GLIS3: variants seen among roughly 807,000 people sequenced by gnomAD.
The protein encoded by GLIS3 is GLIS family zinc finger 3.
Under a neutral mutation model 78.6 loss-of-function variants are expected in GLIS3, and 53 were observed. The observed-to-expected ratio is 0.67, with a 90% CI of 0.54 to 0.85. GLIS3 has a LOEUF of 0.85. GLIS3 is among the 40% of genes least tolerant of loss of function. The pLI is 0.00. For missense variants in GLIS3, 1,703 were observed against 1,231.1 expected (o/e 1.38, Z -5.74); for synonymous variants, 684 against 509.9 (o/e 1.34, Z -4.60).
chr9:4,056,334 G>C (rs1183239564), intron 4 of GLIS3, among the ~76,000 whole-genome samples: 1 of 152,148 alleles, frequency 6.6e-6, no homozygotes, highest in Non-Finnish European at 1.5e-5. Flanking sequence ...AACTCTCTGT[G>C]GATGCAGCTT....
chr9:3,860,879 C>G (rs1198601994), intron 8 of GLIS3, among the ~76,000 whole-genome samples: 1 of 152,210 alleles, frequency 6.6e-6, no homozygotes, highest in Non-Finnish European at 1.5e-5. Flanking sequence ...AGACACATAT[C>G]TCTGTCTTTG....
intron 6 of GLIS3, among the ~76,000 whole-genome samples, chr9:3,916,687 C>A (rs1236479676): frequency 6.6e-6 from 1 of 152,096 alleles, no homozygotes; most frequent in Non-Finnish European, 1.5e-5. Context: ...CTCTTTACTG[C>A]ATTTTTTTTT....
intron 2 of GLIS3, among the ~76,000 whole-genome samples, chr9:4,315,660 T>C (rs1329534247): frequency 6.6e-6 from 1 of 152,126 alleles, no homozygotes; most frequent in Non-Finnish European, 1.5e-5. Flanking sequence ...TCATGAACTT[T>C]CCTGCAAAAC....
intron 4 of GLIS3, among the ~76,000 whole-genome samples, chr9:4,079,934 T>C (rs1399257545): frequency 1.3e-5 from 2 of 152,112 alleles, no homozygotes; most frequent in Admixed American, 6.5e-5. Context: ...GGTAGTTATT[T>C]AACAGACACT....
At chr9:4,294,141 A>G (rs1816265514) in intron 1 of GLIS3, among the ~76,000 whole-genome samples, 1 of 152,166 alleles carries the variant, frequency 6.6e-6, no homozygotes, top group South Asian at 2.1e-4. Flanking sequence ...GCCCTCCTTG[A>G]TCCTTTTTTA....
intron 4 of GLIS3, among the ~76,000 whole-genome samples, chr9:4,050,322 T>C (rs1188719927): frequency 6.6e-6 from 1 of 152,130 alleles, no homozygotes; most frequent in African/African-American, 2.4e-5. Context: ...CTGGAAACCA[T>C]TATTCTCAGT....
intron 8 of GLIS3, among the ~76,000 whole-genome samples, chr9:3,859,350 A>AAC (rs34973607): frequency 0.014 from 2,066 of 148,744 alleles, 21 homozygotes; most frequent in African/African-American, 0.03. Context: ...GTTTCTTCGA[A>AAC]ACACACACAC....
At chr9:4,044,233 T>C (rs555697330) in intron 4 of GLIS3, among the ~76,000 whole-genome samples, 2 of 152,204 alleles carry the variant, frequency 1.3e-5, no homozygotes, top group Non-Finnish European at 2.9e-5. Flanking sequence ...CTCTTAACTC[T>C]ACCTGTGAAA....
chr9:4,144,548 A>G (rs2131004317), intron 2 of GLIS3, among the ~76,000 whole-genome samples: 1 of 152,342 alleles, frequency 6.6e-6, no homozygotes, highest in Middle Eastern at 3.4e-3. Context: ...TCTACATGCC[A>G]AAAAGTCAGA....
chr9:4,290,916 A>T (rs1390363080), intron 1 of GLIS3, among the ~76,000 whole-genome samples: 1 of 152,108 alleles, frequency 6.6e-6, no homozygotes, highest in East Asian at 1.9e-4. Context: ...AAACTGGAGG[A>T]TACTATATTA....
chr9:4,085,629 G>A (rs1828955666), intron 4 of GLIS3, among the ~76,000 whole-genome samples: 1 of 152,180 alleles, frequency 6.6e-6, no homozygotes, highest in Admixed American at 6.5e-5. Context: ...AATTCCCACT[G>A]TTGGAGGTGG....
intron 1 of GLIS3, among the ~76,000 whole-genome samples, chr9:4,286,724 T>C (rs1295727946): frequency 1.3e-5 from 2 of 152,236 alleles, no homozygotes; most frequent in Non-Finnish European, 2.9e-5. Flanking sequence ...ACATGGATTA[T>C]GGATCACTGC....
chr9:4,051,152 A>C (rs1825721926), intron 4 of GLIS3, among the ~76,000 whole-genome samples: 1 of 152,240 alleles, frequency 6.6e-6, no homozygotes, highest in South Asian at 2.1e-4. Flanking sequence ...GGAAGCAGAC[A>C]ATGAGCCTCA....
intron 2 of GLIS3, among the ~76,000 whole-genome samples, chr9:4,322,037 G>A (rs112226802): frequency 3.6e-4 from 55 of 152,006 alleles, no homozygotes; most frequent in Admixed American, 9.2e-4. Flanking sequence ...CATCCCCCGA[G>A]CCCACGACAG....
chr9:3,970,358 G>A, intron 4 of GLIS3, among the ~76,000 whole-genome samples: 1 of 152,142 alleles, frequency 6.6e-6, no homozygotes. Context: ...GATGAATCGT[G>A]TTGATTATTT....
intron 2 of GLIS3, among the ~76,000 whole-genome samples, chr9:4,266,135 G>C (rs186351457): frequency 6.6e-6 from 1 of 151,548 alleles, no homozygotes; most frequent in East Asian, 1.9e-4. Context: ...ATCCAGGATG[G>C]TCTCGATCTC....
chr9:4,126,005 A>C, intron 2 of GLIS3, 64 bp from the exon 3 acceptor site: 1 of 1,246,426 alleles, frequency 8.0e-7, no homozygotes, highest in Non-Finnish European at 1.2e-6. Flanking sequence ...AAATACAGAC[A>C]TGTGCACGCT....
At position 3,892,009 on chromosome 9, in the gene GLIS3, G is replaced by A. The variant is rs550660942; in HGVS notation, c.2128+6682C>T. ...CTCACTCCTAGAAGGTAGAAAAAAG[G>A]ACTTTCTCTACGTCCCCAAGGAAAA... On this transcript the variant is annotated intron_variant, in intron 7 of 10. Transcript: ENST00000381971. Among the ~76,000 whole-genome samples the A allele has an allele frequency of 7.2e-5, 11 of 152,196 alleles. No homozygotes were observed. In the East Asian group the frequency reaches 1.4e-3, roughly 19 times the overall value.
intron 4 of GLIS3, chr9:4,054,413 C>T (rs528026655): frequency 1.1e-5 from 11 of 985,360 alleles, no homozygotes; most frequent in South Asian, 4.7e-5. Flanking sequence ...CTGAATTTAA[C>T]GGTTGGTTAC....
Sources: gnomAD v4.1 joint callset for allele counts (sites outside exome capture counted in the v4.1 genomes callset) on GRCh38, gnomAD v4.1.1 for gene constraint, MANE v1.5 for transcripts, NCBI Gene and HGNC (gene_info 2026-07-23, HGNC 2026-07-21) for gene names.